Variants in EPS8 observed in about 807,000 individuals in gnomAD.
The protein encoded by EPS8 is EGFR pathway substrate 8, signaling adaptor.
Under a neutral mutation model 103.8 loss-of-function variants are expected in EPS8, and 42 were observed. The ratio of observed to expected loss-of-function variants is 0.40; its 90% CI spans 0.32 to 0.52. The LOEUF is 0.52. Ranked by LOEUF, EPS8 falls within the 20% of genes least tolerant of loss-of-function variation. The probability of loss-of-function intolerance (pLI) is 0.40; values close to 1 mark genes in which losing one functional copy is unlikely to be tolerated. For synonymous variants in EPS8, 344 were observed against 344.6 expected (o/e 1.00, Z 0.02); for missense variants, 969 against 1,005.1 (o/e 0.96, Z 0.49).
At chr12:15,641,913 C>G in intron 15 of EPS8, 83 bp from the exon 16 acceptor site, 1 of 581,930 alleles carries the variant, frequency 1.7e-6, no homozygotes, top group Non-Finnish European at 2.8e-6. Context: ...CAAGCCAAAT[C>G]CTACCAGAAA....
intron 1 of EPS8, among the ~76,000 whole-genome samples, chr12:15,783,445 C>T (rs1375447534): frequency 6.6e-6 from 1 of 152,018 alleles, no homozygotes; most frequent in Non-Finnish European, 1.5e-5. Context: ...AACCGCTGCA[C>T]TATTGAAGGG....
rs1421768149 is a variant in EPS8, at chr12:15,749,668, A to G, written c.-22+39493T>C. On this transcript the variant is annotated intron_variant, in intron 1 of 20. Coordinates refer to ENST00000281172, the MANE Select transcript of EPS8 (RefSeq NM_004447.6). The surrounding 1 kb of genome is among the most constrained non-coding windows in gnomAD (Gnocchi z 4.0). Reference sequence around the variant, plus strand: ...TAGTGGTAGGAAGAAAAATTAACCTAATCAAAACAACATATATCATATTGT... The same window carrying G: ...TAGTGGTAGGAAGAAAAATTAACCTGATCAAAACAACATATATCATATTGT... 6.6e-6 allele frequency among the ~76,000 whole-genome samples: 1 copy of G among 152,212 alleles called. No homozygotes were observed. Among genetic ancestry groups the G allele is most frequent in the African/African-American group, 2.4e-5 (1 of 41,438 alleles).
chr12:15,624,189 T>C (rs1591796095), intron 19 of EPS8, 38 bp downstream of exon 19: 1 of 1,547,756 alleles, frequency 6.5e-7, no homozygotes, highest in Non-Finnish European at 8.9e-7. Flanking sequence ...ATGCATGTTG[T>C]ACACACAGAA....
chr12:15,660,507 A>G, intron 10 of EPS8, 107 bp downstream of exon 10: 1 of 713,730 alleles, frequency 1.4e-6, no homozygotes, highest in East Asian at 2.6e-5. Flanking sequence ...TAGATGATAC[A>G]CCCGCCTCGG....
At chr12:15,756,077 T>C (rs143480854) in intron 1 of EPS8, among the ~76,000 whole-genome samples, 1 of 152,352 alleles carries the variant, frequency 6.6e-6, no homozygotes, top group East Asian at 1.9e-4. Flanking sequence ...GTAGTCTGAC[T>C]TAACTTACTA....
At chr12:15,640,578 C>T (rs890749856) in intron 17 of EPS8, 125 bp downstream of exon 17, 6 of 755,802 alleles carry the variant, frequency 7.9e-6, no homozygotes, top group Non-Finnish European at 1.0e-5. Context: ...ACCAATTACT[C>T]TAGAAAAAAT....
At chr12:15,685,606 G>T (rs752762496) in intron 1 of EPS8, among the ~76,000 whole-genome samples, 3 of 152,214 alleles carry the variant, frequency 2.0e-5, no homozygotes, top group East Asian at 1.9e-4. Flanking sequence ...TTAGAAAAGG[G>T]GATAGAAAAT....
At chr12:15,726,296 A>G (rs1299140779) in intron 1 of EPS8, among the ~76,000 whole-genome samples, 2 of 152,174 alleles carry the variant, frequency 1.3e-5, no homozygotes, top group African/African-American at 4.8e-5. Context: ...CAAGAGTGAC[A>G]GAGTGATGGG....
rs190985425 is a variant in EPS8, at chr12:15,698,190, T to C, written c.-21-15218A>G. ...CTCTACAATTTTCTAAAATATTTTA[T>C]AAAAAATTATGCCTGTGAATATTTT... is the stretch of plus-strand genomic sequence containing the variant. On this transcript the variant is annotated intron_variant, in intron 1 of 20. Transcript: ENST00000281172. This position sits in a 1 kb window ranked among gnomAD's most constrained non-coding sequence, Gnocchi z 4.9. Among the ~76,000 whole-genome samples the C allele has an allele frequency of 8.5e-5, 13 of 152,282 alleles. No homozygotes were observed. The East Asian group carries it at 2.3e-3, about 27-fold the overall frequency.
At chr12:15,741,851 A>C (rs972231682) in intron 1 of EPS8, among the ~76,000 whole-genome samples, 1 of 152,028 alleles carries the variant, frequency 6.6e-6, no homozygotes, top group African/African-American at 2.4e-5. Context: ...TCCTAATGCT[A>C]TCCCTCGCCC....
At position 15,770,504 on chromosome 12, in the gene EPS8, C is replaced by T. The variant is rs137927300; in HGVS notation, c.-22+18657G>A. Among the ~76,000 whole-genome samples, 1,244 of 152,038 alleles carry T rather than the reference C, an allele frequency of 8.2e-3. 19 individuals carry two copies. The highest frequency in any genetic ancestry group is 0.028 in the African/African-American group (1,161 of 41,476). On this transcript the variant is annotated intron_variant, in intron 1 of 20. Coordinates refer to ENST00000281172, the MANE Select transcript of EPS8 (RefSeq NM_004447.6). ...TAATACAAAAATCTTGAAAATTGTG[C>T]TCTAATGAGGGGAAAGGATAGAAAA...
Position 15,641,761 on chromosome 12 carries a change from G to T in EPS8, c.1638C>A (p.Asn546Lys). Residue 546 changes from asparagine to lysine, a missense_variant, in exon 16 of 21, where the codon AAC becomes AAA. Asn to Lys is a moderately conservative substitution (Grantham distance 94). Coordinates refer to ENST00000281172, the MANE Select transcript of EPS8 (RefSeq NM_004447.6). ...AKSKYDFVAR[N>K]NSELSVLKDD... ...CCTTTAGAACCGAGAGCTCACTGTT[G>T]TTCCTTGCTACAAAGTCATACTTGG... The T allele has an allele frequency of 6.3e-7, 1 of 1,599,684 alleles. No individual in the cohort carries two copies. The highest frequency in any genetic ancestry group is 8.5e-7 in the Non-Finnish European group (1 of 1,171,460).
At chr12:15,680,357 C>T (rs547330482) in intron 3 of EPS8, among the ~76,000 whole-genome samples, 3 of 152,186 alleles carry the variant, frequency 2.0e-5, no homozygotes, top group Admixed American at 1.3e-4. Context: ...ATAATAATAG[C>T]AAACACATAC....
intron 3 of EPS8, among the ~76,000 whole-genome samples, chr12:15,678,981 T>TCTAATACAAC: frequency 6.6e-6 from 1 of 152,104 alleles, no homozygotes; most frequent in Admixed American, 6.6e-5. Context: ...CAAAGTTGCT[T>TCTAATACAAC]CTAATACAAC....
chr12:15,717,977 C>G lies in EPS8; in HGVS notation c.-21-35005G>C, dbSNP rs1263921042. On this transcript the variant is annotated intron_variant, in intron 1 of 20. Transcript: ENST00000281172. The surrounding 1 kb of genome is among the most constrained non-coding windows in gnomAD (Gnocchi z 4.3). ...TTGGCAATTTCAGTTAAAAAGACAG[C>G]AAGAAACAAAAAAATTGGTGGAAAA... Among the ~76,000 whole-genome samples the G allele has an allele frequency of 6.6e-6, 1 of 152,144 alleles. No individual in the cohort carries two copies. Among genetic ancestry groups the G allele is most frequent in the Non-Finnish European group, 1.5e-5 (1 of 68,030 alleles).
intron 12 of EPS8, 191 bp downstream of exon 12, chr12:15,657,888 G>A: frequency 1.9e-6 from 1 of 536,024 alleles, no homozygotes; most frequent in Non-Finnish European, 3.3e-6. Context: ...TATAAAATAA[G>A]GTGCTTAAAC....
In EPS8 at chr12:15,785,539, T is replaced by TACAA. The variant is rs1452824021; in HGVS notation, c.-22+3618_-22+3621dup. On this transcript the variant is annotated intron_variant, in intron 1 of 20. Transcript: ENST00000281172. The surrounding 1 kb of genome is among the most constrained non-coding windows in gnomAD (Gnocchi z 4.9). ...ATGTAAATTCATAGTTAAACATGGA[T>TACAA]ACAAACTGTTACATAAAAATATGTA... is the stretch of plus-strand genomic sequence containing the variant. 2.6e-5 allele frequency among the ~76,000 whole-genome samples: 4 copies of TACAA among 152,132 alleles called. No homozygotes were observed. Among genetic ancestry groups the TACAA allele is most frequent in the African/African-American group, 4.8e-5 (2 of 41,450 alleles).
In EPS8 at chr12:15,639,775, T is replaced by C. The variant is rs573291924; in HGVS notation, c.1821+928A>G. On this transcript the variant is annotated intron_variant, in intron 17 of 20. Transcript: ENST00000281172. ...TGGACAATCTGTATTTTTTTAAGCC[T>C]AGATCTGGCATAAAAATTAACTATT... Among the ~76,000 whole-genome samples, 3 of 152,314 alleles carry C rather than the reference T, an allele frequency of 2.0e-5. No individual in the cohort carries two copies. The South Asian group carries it at 6.2e-4, about 32-fold the overall frequency.
chr12:15,667,828 T>C (rs1945742981), intron 6 of EPS8, among the ~76,000 whole-genome samples: 1 of 152,190 alleles, frequency 6.6e-6, no homozygotes, highest in South Asian at 2.1e-4. Flanking sequence ...CTTCGTGGTA[T>C]GTGAGCTTTT....
Sources: gnomAD v4.1 joint callset for allele counts (sites outside exome capture counted in the v4.1 genomes callset) on GRCh38, gnomAD v4.1.1 for gene constraint, Gnocchi (gnomAD v3.1) non-coding constraint, MANE v1.5 for transcripts, NCBI Gene and HGNC (gene_info 2026-07-23, HGNC 2026-07-21) for gene names.